Variants in SLC24A3 observed in about 807,000 individuals in gnomAD.
The protein encoded by SLC24A3 is solute carrier family 24 member 3, also known as sodium/potassium/calcium exchanger 3.
SLC24A3 carries 28 observed loss-of-function variants against 75.8 expected under a neutral mutation model. The observed-to-expected ratio is 0.37, with a 90% CI of 0.27 to 0.51. SLC24A3 has a LOEUF of 0.51. Ranked by LOEUF, SLC24A3 falls within the 20% of genes least tolerant of loss-of-function variation. The pLI, the probability that SLC24A3 is intolerant of heterozygous loss-of-function variation, is 0.94. For synonymous variants in SLC24A3, 372 were observed against 334.1 expected (o/e 1.11, Z -1.24); for missense variants, 663 against 847.8 (o/e 0.78, Z 2.71).
chr20:19,438,784 G>A (rs1394877999), intron 2 of SLC24A3, among the ~76,000 whole-genome samples: 4 of 152,074 alleles, frequency 2.6e-5, no homozygotes, highest in East Asian at 1.9e-4. Flanking sequence ...CCACTCATTG[G>A]TCTCTGCCCC....
At chr20:19,558,101 GTCC>G (rs2030818878) in intron 3 of SLC24A3, among the ~76,000 whole-genome samples, 1 of 152,062 alleles carries the variant, frequency 6.6e-6, no homozygotes, top group Non-Finnish European at 1.5e-5. Context: ...TCTTTACTGT[GTCC>G]TCATTTCAGG....
chr20:19,719,041 A>G (rs1159606771), intron 16 of SLC24A3, among the ~76,000 whole-genome samples: 1 of 152,172 alleles, frequency 6.6e-6, no homozygotes, highest in African/African-American at 2.4e-5. Flanking sequence ...GAATAAAACC[A>G]CGAGAGTGCA....
intron 15 of SLC24A3, among the ~76,000 whole-genome samples, chr20:19,716,354 A>G (rs2033046646): frequency 6.6e-6 from 1 of 151,818 alleles, no homozygotes; most frequent in African/African-American, 2.4e-5. Context: ...TCTGCTTGAT[A>G]TTATAGCCAC....
At chr20:19,268,645 C>CATA (rs1204904289) in intron 1 of SLC24A3, among the ~76,000 whole-genome samples, 2 of 152,192 alleles carry the variant, frequency 1.3e-5, no homozygotes, top group Non-Finnish European at 2.9e-5. Context: ...TTTCTGCTAT[C>CATA]ATAAGTCCAT....
At chr20:19,472,457 T>G (rs1274843664) in intron 2 of SLC24A3, among the ~76,000 whole-genome samples, 1 of 152,232 alleles carries the variant, frequency 6.6e-6, no homozygotes, top group African/African-American at 2.4e-5. Context: ...CACAGATTTT[T>G]GATAATGACA....
intron 1 of SLC24A3, among the ~76,000 whole-genome samples, chr20:19,268,121 T>C (rs1255737151): frequency 1.3e-5 from 2 of 152,132 alleles, no homozygotes; most frequent in African/African-American, 4.8e-5. Context: ...AGGTGCATCA[T>C]GCTGTGATAA....
chr20:19,275,157 G>A (rs764085080), intron 1 of SLC24A3, among the ~76,000 whole-genome samples: 20 of 152,120 alleles, frequency 1.3e-4, no homozygotes, highest in Non-Finnish European at 2.6e-4. Context: ...GAGTTAATAC[G>A]TCCTCTCAAA....
At chr20:19,479,528 A>T (rs759600240) in intron 2 of SLC24A3, among the ~76,000 whole-genome samples, 3 of 152,224 alleles carry the variant, frequency 2.0e-5, no homozygotes, top group Non-Finnish European at 2.9e-5. Context: ...TTCAAGTGTC[A>T]GTGGTTTATT....
chr20:19,599,792 G>A (rs1359724197), intron 6 of SLC24A3, among the ~76,000 whole-genome samples: 2 of 152,108 alleles, frequency 1.3e-5, no homozygotes, highest in African/African-American at 2.4e-5. Context: ...GTGGGAAGAC[G>A]CACCTTCCCT....
At chr20:19,651,336 T>C (rs7270807) in intron 6 of SLC24A3, among the ~76,000 whole-genome samples, 9,499 of 148,766 alleles carry the variant, frequency 0.064, 347 homozygotes, top group Middle Eastern at 0.14. Context: ...GCTTTCCATG[T>C]CTTTGTTGAT....
intron 7 of SLC24A3, among the ~76,000 whole-genome samples, chr20:19,657,477 G>T (rs923801192): frequency 3.3e-5 from 5 of 152,168 alleles, no homozygotes; most frequent in Non-Finnish European, 7.3e-5. Context: ...CATTTCCTTG[G>T]GGTATTCATC....
intron 2 of SLC24A3, among the ~76,000 whole-genome samples, 172 bp from the exon 3 acceptor site, chr20:19,515,316 C>T (rs556065874): frequency 1.3e-5 from 2 of 152,170 alleles, no homozygotes; most frequent in Non-Finnish European, 2.9e-5. Context: ...TGGTTGCCCA[C>T]GTTCTTATCT....
intron 2 of SLC24A3, among the ~76,000 whole-genome samples, chr20:19,488,276 C>T (rs1380778178): frequency 6.6e-6 from 1 of 152,246 alleles, no homozygotes; most frequent in African/African-American, 2.4e-5. Context: ...TTGGCCCTCT[C>T]ATCCCAGCTC....
At position 19,601,249 on chromosome 20, in the gene SLC24A3, C is replaced by T. The variant is rs542758853; in HGVS notation, c.612+15705C>T. 1.1e-4 allele frequency among the ~76,000 whole-genome samples: 17 copies of T among 152,322 alleles called. No homozygotes were observed. The East Asian group carries it at 1.7e-3, about 16-fold the overall frequency. ...TGCCCAGCACAGAAGCTTGTCTGGGCGGTGGTCCCAATCCACTTTTTCATG... is the reference window on the plus strand; with the variant it reads ...TGCCCAGCACAGAAGCTTGTCTGGGTGGTGGTCCCAATCCACTTTTTCATG... On this transcript the variant is annotated intron_variant, in intron 6 of 16. Coordinates refer to ENST00000328041, the MANE Select transcript of SLC24A3 (RefSeq NM_020689.4).
chr20:19,267,639 C>T (rs1983206282), intron 1 of SLC24A3, among the ~76,000 whole-genome samples: 1 of 152,084 alleles, frequency 6.6e-6, no homozygotes, highest in African/African-American at 2.4e-5. Flanking sequence ...GTGGAACATA[C>T]ACGTTTTTAG....
chr20:19,428,236 T>C (rs1288224189), intron 2 of SLC24A3, among the ~76,000 whole-genome samples: 1 of 152,220 alleles, frequency 6.6e-6, no homozygotes, highest in Non-Finnish European at 1.5e-5. Flanking sequence ...TCTACTTCTG[T>C]TACCTTCTGG....
At chr20:19,562,333 G>A (rs1348292284) in intron 3 of SLC24A3, among the ~76,000 whole-genome samples, 2 of 152,128 alleles carry the variant, frequency 1.3e-5, no homozygotes, top group South Asian at 4.2e-4. Context: ...CTTGAGTTCT[G>A]ATTGCTCTCT....
At chr20:19,558,503 G>T (rs2030825015) in intron 3 of SLC24A3, among the ~76,000 whole-genome samples, 1 of 152,032 alleles carries the variant, frequency 6.6e-6, no homozygotes, top group Non-Finnish European at 1.5e-5. Flanking sequence ...TGTTTGTCTG[G>T]TCCAACCCAA....
chr20:19,418,419 G>A (rs1206129403), intron 2 of SLC24A3, among the ~76,000 whole-genome samples: 3 of 151,778 alleles, frequency 2.0e-5, no homozygotes, highest in South Asian at 2.1e-4. Flanking sequence ...GAAATCTCCC[G>A]GAAAATAGAA....
Sources: allele counts gnomAD v4.1 joint callset (sites outside exome capture counted in the v4.1 genomes callset), GRCh38; gene constraint gnomAD v4.1.1; transcripts MANE v1.5; gene names NCBI Gene and HGNC (gene_info 2026-07-23, HGNC 2026-07-21).